Variants in PCDHGA2 observed in about 807,000 individuals in gnomAD.
The protein encoded by PCDHGA2 is protocadherin gamma subfamily A, 2, also known as protocadherin gamma-A2.
In PCDHGA2, 40 loss-of-function variants were observed where a neutral mutation model predicts 59.2. The observed-to-expected ratio is 0.68, with a 90% CI of 0.52 to 0.88. The LOEUF (loss-of-function observed/expected upper bound fraction) is 0.88. Among genes scored for constraint, PCDHGA2 ranks in the 40% least tolerant of loss-of-function variants. The pLI is 0.00. For missense variants in PCDHGA2, 1,226 were observed against 1,204.0 expected, an observed-to-expected ratio of 1.02 and a Z score of -0.27; for synonymous variants, 560 against 526.0, an observed-to-expected ratio of 1.06 and a Z score of -0.89.
chr5:141,349,375 A>G (rs2149752585), intron 1 of PCDHGA2, among the ~76,000 whole-genome samples: 1 of 152,240 alleles, frequency 6.6e-6, no homozygotes, highest in Non-Finnish European at 1.5e-5. Flanking sequence ...AGAGTATTTA[A>G]TATACATTCA....
At chr5:141,374,519 G>A (rs769907625) in intron 1 of PCDHGA2, 5 of 1,612,332 alleles carry the variant, frequency 3.1e-6, no homozygotes, top group Admixed American at 1.7e-5. Context: ...TCTCGAAAAC[G>A]CAGCTCCATC....
Position 141,477,012 on chromosome 5 carries a change from T to C in PCDHGA2, c.2425-17795T>C. The C allele has an allele frequency of 6.2e-7, 1 of 1,614,186 alleles. No homozygotes were observed. Among genetic ancestry groups the C allele is most frequent in the Non-Finnish European group, 8.5e-7 (1 of 1,180,026 alleles). On this transcript the variant is annotated intron_variant, in intron 1 of 3. Coordinates refer to ENST00000394576, the MANE Select transcript of PCDHGA2 (RefSeq NM_018915.4). The surrounding 1 kb of genome is among the most constrained non-coding windows in gnomAD (Gnocchi z 4.9). The stretch of plus-strand genomic sequence containing the variant: ...GTGCGGCAACTATTCGCCTTAGACC[T>C]TGTAACCGGGATGCTGACAATCAAG...
rs200877911 is a variant in PCDHGA2 at position 141,477,977 on chromosome 5, A to G, written c.2425-16830A>G. ...ATCCCCTAACCAGAGCCTTTTTGCC[A>G]TAGGGCTGCACACTGGTCAAATCAG... On this transcript the variant is annotated intron_variant, in intron 1 of 3. Coordinates refer to ENST00000394576, the MANE Select transcript of PCDHGA2 (RefSeq NM_018915.4). The surrounding 1 kb of genome is among the most constrained non-coding windows in gnomAD (Gnocchi z 4.9). 5 of 1,614,092 alleles carry G rather than the reference A, an allele frequency of 3.1e-6. No individual in the cohort carries two copies. The East Asian group carries it at 6.7e-5, about 22-fold the overall frequency.
At chr5:141,364,583 G>A in intron 1 of PCDHGA2, 2 of 1,614,216 alleles carry the variant, frequency 1.2e-6, no homozygotes. Context: ...CGGCAGCTTG[G>A]TCACCGCGGG....
chr5:141,399,807 C>T, intron 1 of PCDHGA2: 1 of 1,613,222 alleles, frequency 6.2e-7, no homozygotes, highest in Non-Finnish European at 8.5e-7. Context: ...GGGTGCTGTA[C>T]CCCGCGCTGG....
At chr5:141,441,173 C>G (rs2098230611) in intron 1 of PCDHGA2, 1 of 152,180 alleles carries the variant, frequency 6.6e-6, no homozygotes, top group South Asian at 2.1e-4. Context: ...ATTTTTACTT[C>G]TAATTCCACA....
At chr5:141,403,118 C>A (rs780657795) in intron 1 of PCDHGA2, 2 of 1,614,058 alleles carry the variant, frequency 1.2e-6, no homozygotes. Context: ...GGCTCTGGAG[C>A]CCCGGGAGCT....
intron 1 of PCDHGA2, chr5:141,399,761 G>C: frequency 1.2e-6 from 2 of 1,613,356 alleles, no homozygotes; most frequent in Non-Finnish European, 1.7e-6. Flanking sequence ...GTGAGCCTGC[G>C]CGTGTTGGTG....
Position 141,341,173 on chromosome 5 carries a change from C to T in PCDHGA2, c.2202C>T (p.Gly734=). The change falls in exon 1 of 4, where the codon GGC becomes GGT. Residue 734 remains glycine (G), a synonymous_variant. Coordinates refer to ENST00000394576, the MANE Select transcript of PCDHGA2 (RefSeq NM_018915.4). ...LLQASGGSLT[G]MQSSHFVGVD... is the part of the protein sequence containing the mutation. Reference sequence around the variant, plus strand: ...AGGCTTCAGGAGGCAGCTTGACAGGCATGCAGAGCTCGCACTTTGTGGGCG... The same window carrying T: ...AGGCTTCAGGAGGCAGCTTGACAGGTATGCAGAGCTCGCACTTTGTGGGCG... The T allele has an allele frequency of 6.2e-7, 1 of 1,614,226 alleles. No homozygotes were observed. Among genetic ancestry groups the T allele is most frequent in the Non-Finnish European group, 8.5e-7 (1 of 1,180,024 alleles).
intron 1 of PCDHGA2, chr5:141,419,733 AGGTGCGCATGGTGCGTGCTTTG>A (rs763538035): frequency 1.1e-5 from 18 of 1,613,646 alleles, no homozygotes; most frequent in Non-Finnish European, 1.4e-5. Context: ...CGAACAGGCG[AGGTGCGCATGGTGCGTGCTTTG>A]GGTGACAAGG....
intron 1 of PCDHGA2, chr5:141,365,094 T>C: frequency 2.5e-6 from 4 of 1,613,786 alleles, no homozygotes; most frequent in East Asian, 2.2e-5. Context: ...CCAGAGAACA[T>C]ACCTGTGGGC....
intron 1 of PCDHGA2, chr5:141,399,529 G>C: frequency 6.2e-7 from 1 of 1,614,010 alleles, no homozygotes; most frequent in African/African-American, 1.3e-5. Context: ...GGCCTCCATC[G>C]CGCAAGTCTG....
At chr5:141,482,876 AGCCTG>A (rs2099574018) in intron 1 of PCDHGA2, among the ~76,000 whole-genome samples, 1 of 152,142 alleles carries the variant, frequency 6.6e-6, no homozygotes, top group Admixed American at 6.5e-5. Flanking sequence ...GTTTGAAACC[AGCCTG>A]GCCAACATGG....
At chr5:141,478,496 C>G in intron 1 of PCDHGA2, 1 of 1,613,014 alleles carries the variant, frequency 6.2e-7, no homozygotes, top group Non-Finnish European at 8.5e-7. Flanking sequence ...GAGCTGTGAT[C>G]CGGTGTTCTA....
chr5:141,494,639 C>T, intron 1 of PCDHGA2, 168 bp from the exon 2 acceptor site: 1 of 901,070 alleles, frequency 1.1e-6, no homozygotes, highest in Non-Finnish European at 1.3e-6. Flanking sequence ...ACCTCTGAGA[C>T]CTGAGGTGTA....
At position 141,477,272 on chromosome 5, in the gene PCDHGA2, C is replaced by G. The variant is rs2099408579; in HGVS notation, c.2425-17535C>G. The G allele has an allele frequency of 1.2e-6, 2 of 1,614,090 alleles. No homozygotes were observed. The highest frequency in any genetic ancestry group is 1.7e-6 in the Non-Finnish European group (2 of 1,180,048). Reference sequence around the variant, plus strand: ...TGACCTGGATGCTGGCGAGAACGGGCTGGTGACCTGCGAAGTTCCACCGGG... The same window carrying G: ...TGACCTGGATGCTGGCGAGAACGGGGTGGTGACCTGCGAAGTTCCACCGGG... On this transcript the variant is annotated intron_variant, in intron 1 of 3. Coordinates refer to ENST00000394576, the MANE Select transcript of PCDHGA2 (RefSeq NM_018915.4). This position sits in a 1 kb window ranked among gnomAD's most constrained non-coding sequence, Gnocchi z 4.9.
intron 1 of PCDHGA2, chr5:141,440,723 T>C (rs2098196558): frequency 6.6e-6 from 1 of 152,178 alleles, no homozygotes; most frequent in Non-Finnish European, 1.5e-5. Flanking sequence ...GTTGATCCTG[T>C]GTTAGAGAAG....
chr5:141,407,355 A>C (rs991392072), intron 1 of PCDHGA2, among the ~76,000 whole-genome samples: 8 of 152,198 alleles, frequency 5.3e-5, no homozygotes, highest in Non-Finnish European at 1.0e-4. Context: ...TTTGGGGAAA[A>C]CATAACAGAT....
At position 141,487,080 on chromosome 5, in the gene PCDHGA2, C is replaced by G. The variant is rs2154580766; in HGVS notation, c.2425-7727C>G. 1 of 1,614,126 alleles carries G rather than the reference C, an allele frequency of 6.2e-7. No individual in the cohort carries two copies. Among genetic ancestry groups the G allele is most frequent in the East Asian group, 2.2e-5 (1 of 44,872 alleles). On this transcript the variant is annotated intron_variant, in intron 1 of 3. Coordinates refer to ENST00000394576, the MANE Select transcript of PCDHGA2 (RefSeq NM_018915.4). This position sits in a 1 kb window ranked among gnomAD's most constrained non-coding sequence, Gnocchi z 5.0. ...GTGCGGACGGCTGTTCCTATCCCAG[C>G]TGACCTCCCACCACAGAAGCTGGTC...
Sources: gnomAD v4.1 joint callset for allele counts (sites outside exome capture counted in the v4.1 genomes callset) on GRCh38, gnomAD v4.1.1 for gene constraint, Gnocchi (gnomAD v3.1) non-coding constraint, MANE v1.5 for transcripts, NCBI Gene and HGNC (gene_info 2026-07-23, HGNC 2026-07-21) for gene names.